The following PTPRC variants were observed in gnomAD, a reference collection of about 807,000 sequenced individuals.
PTPRC encodes the protein protein tyrosine phosphatase receptor type C, also known as receptor-type tyrosine-protein phosphatase C.
PTPRC carries 44 observed loss-of-function variants against 155.9 expected under a neutral mutation model. The observed-to-expected ratio is 0.28, with a 90% CI of 0.22 to 0.36. The LOEUF is 0.36. PTPRC is among the 10% of genes least tolerant of loss of function. The pLI, the probability that PTPRC is intolerant of heterozygous loss-of-function variation, is 1.00. For missense variants in PTPRC, 1,401 were observed against 1,564.6 expected (o/e 0.90, Z 1.76); for synonymous variants, 525 against 533.1 (o/e 0.98, Z 0.21).
At chr1:198,718,047 A>T in intron 13 of PTPRC, 47 bp from the exon 14 acceptor site, 1 of 1,404,148 alleles carries the variant, frequency 7.1e-7, no homozygotes, top group Non-Finnish European at 1.0e-6. Flanking sequence ...TAATTTACAT[A>T]TGCATCTATT....
intron 3 of PTPRC, chr1:198,694,889 T>C (rs12124872): frequency 0.094 from 91,200 of 966,594 alleles, 4,437 homozygotes; most frequent in Non-Finnish European, 0.098. Context: ...GTAGTTACTA[T>C]CCTATTACTG....
Position 198,703,744 on chromosome 1 carries a change from A to T in PTPRC, c.658+372A>T, listed in dbSNP as rs973444131. 17 of 265,958 alleles carry T rather than the reference A, an allele frequency of 6.4e-5. 1 individual carries two copies. In the South Asian group the frequency reaches 8.5e-4, roughly 13 times the overall value. The allele number at this position is 265,958 out of a possible 1,614,324, so 16.5% of individuals were successfully genotyped here. On this transcript the variant is annotated intron_variant, in intron 7 of 32. Coordinates refer to ENST00000442510, the MANE Select transcript of PTPRC (RefSeq NM_002838.5). ...GGCAGAGTTCCCGTTAAGCAGTGAG[A>T]GGGCGTGGAGATAAAGGAAAGAGAA...
intron 15 of PTPRC, among the ~76,000 whole-genome samples, 199 bp from the exon 16 acceptor site, chr1:198,728,141 T>A (rs568973267): frequency 6.6e-6 from 1 of 152,344 alleles, no homozygotes; most frequent in Non-Finnish European, 1.5e-5. Context: ...TAAAATGTTT[T>A]CATTGGTTCA....
intron 2 of PTPRC, among the ~76,000 whole-genome samples, chr1:198,658,544 T>C (rs1007589425): frequency 6.6e-6 from 1 of 152,042 alleles, no homozygotes; most frequent in Non-Finnish European, 1.5e-5. Flanking sequence ...ATAAGAAAAA[T>C]ATTTCTTGTC....
At chr1:198,642,934 T>G (rs946781819) in intron 2 of PTPRC, among the ~76,000 whole-genome samples, 4 of 149,378 alleles carry the variant, frequency 2.7e-5, no homozygotes, top group African/African-American at 9.9e-5. Context: ...CTTTCTTTCT[T>G]TCTTTCTTTC....
chr1:198,661,903 C>T (rs1663990193), intron 2 of PTPRC, among the ~76,000 whole-genome samples: 2 of 152,178 alleles, frequency 1.3e-5, no homozygotes, highest in South Asian at 4.1e-4. Context: ...CCACTACCTA[C>T]CTCCGGTTAG....
chr1:198,693,436 T>C (rs1050653156), intron 3 of PTPRC, among the ~76,000 whole-genome samples: 1 of 152,180 alleles, frequency 6.6e-6, no homozygotes, highest in African/African-American at 2.4e-5. Context: ...GATAGATTCA[T>C]CTCAACCATA....
At chr1:198,751,346 G>A (rs1344272937) in intron 29 of PTPRC, among the ~76,000 whole-genome samples, 3 of 151,636 alleles carry the variant, frequency 2.0e-5, no homozygotes, top group African/African-American at 7.3e-5. Context: ...AATTTCCCTG[G>A]TGGTAGATCT....
chr1:198,703,414 G>T (rs778568227), intron 7 of PTPRC, 42 bp downstream of exon 7: 6 of 1,608,506 alleles, frequency 3.7e-6, no homozygotes, highest in Admixed American at 3.3e-5. Context: ...ATCCCCATGT[G>T]CCTGGTGATG....
intron 9 of PTPRC, among the ~76,000 whole-genome samples, chr1:198,707,555 T>C (rs1220978699): frequency 6.6e-6 from 1 of 152,210 alleles, no homozygotes; most frequent in African/African-American, 2.4e-5. Flanking sequence ...AAAAGTCATA[T>C]CATTTAATAA....
At chr1:198,683,904 G>A (rs557461801) in intron 2 of PTPRC, among the ~76,000 whole-genome samples, 6 of 152,028 alleles carry the variant, frequency 3.9e-5, no homozygotes, top group Non-Finnish European at 8.8e-5. Flanking sequence ...AAAAAAATGG[G>A]TTTGTGGCAA....
chr1:198,740,176 C>T (rs1006785933), intron 23 of PTPRC, among the ~76,000 whole-genome samples: 4 of 151,422 alleles, frequency 2.6e-5, no homozygotes, highest in African/African-American at 9.7e-5. Context: ...CAAGAGCAAA[C>T]TGAACTGTAA....
chr1:198,649,045 C>A (rs1478784427), intron 2 of PTPRC, among the ~76,000 whole-genome samples: 2 of 151,692 alleles, frequency 1.3e-5, no homozygotes, highest in African/African-American at 2.4e-5. Context: ...TCATAGTCAT[C>A]CAAAAAGCAT....
chr1:198,733,644 G>A (rs1387378677), intron 20 of PTPRC, among the ~76,000 whole-genome samples: 1 of 151,716 alleles, frequency 6.6e-6, no homozygotes, highest in African/African-American at 2.4e-5. Flanking sequence ...GGTAACAGGA[G>A]CAGAGAAAGC....
intron 20 of PTPRC, among the ~76,000 whole-genome samples, chr1:198,732,820 A>G (rs887761573): frequency 1.2e-4 from 18 of 151,920 alleles, no homozygotes; most frequent in Non-Finnish European, 1.9e-4. Flanking sequence ...TGTGCTAGAT[A>G]TTAGACTAAA....
At chr1:198,743,355 C>T (rs1444894818) in intron 25 of PTPRC, among the ~76,000 whole-genome samples, 2 of 151,492 alleles carry the variant, frequency 1.3e-5, no homozygotes, top group African/African-American at 2.4e-5. Flanking sequence ...ATTACAGATA[C>T]ATAGATAGCA....
At chr1:198,642,972 T>TTTC in intron 2 of PTPRC, among the ~76,000 whole-genome samples, 1 of 104,622 alleles carries the variant, frequency 9.6e-6, no homozygotes, top group African/African-American at 3.6e-5. Context: ...TTCTTTCTTT[T>TTTC]TTCTTTCTTT....
intron 27 of PTPRC, among the ~76,000 whole-genome samples, chr1:198,748,479 G>A (rs973915210): frequency 6.6e-6 from 1 of 151,428 alleles, no homozygotes; most frequent in African/African-American, 2.4e-5. Flanking sequence ...ATATAAAGCT[G>A]GGAGAAAAAA....
intron 2 of PTPRC, among the ~76,000 whole-genome samples, chr1:198,646,536 G>T (rs1383636764): frequency 6.6e-6 from 1 of 151,630 alleles, no homozygotes; most frequent in Admixed American, 6.6e-5. Context: ...TTTCATTTTT[G>T]TCAAACTTAA....
Sources: gnomAD v4.1 joint callset for allele counts (sites outside exome capture counted in the v4.1 genomes callset) on GRCh38, gnomAD v4.1.1 for gene constraint, MANE v1.5 for transcripts, NCBI Gene and HGNC (gene_info 2026-07-23, HGNC 2026-07-21) for gene names.